The following SEL1L2 variants were observed in gnomAD, a reference collection of about 807,000 sequenced individuals.
SEL1L2 encodes the protein SEL1L2 adaptor subunit of SYVN1 ubiquitin ligase, also known as protein sel-1 homolog 2.
SEL1L2 carries 89 observed loss-of-function variants against 98.8 expected under a neutral mutation model. The observed-to-expected ratio is 0.90, with a 90% CI of 0.76 to 1.07. The LOEUF (loss-of-function observed/expected upper bound fraction) is 1.07. SEL1L2 is among the 50% of genes least tolerant of loss of function. The pLI is 0.00. For missense variants in SEL1L2, 788 were observed against 812.0 expected, an observed-to-expected ratio of 0.97 and a Z score of 0.36; for synonymous variants, 262 against 278.5, an observed-to-expected ratio of 0.94 and a Z score of 0.59.
chr20:13,935,720 A>G (rs1194667539), intron 2 of SEL1L2, among the ~76,000 whole-genome samples: 12 of 152,168 alleles, frequency 7.9e-5, no homozygotes, highest in Non-Finnish European at 2.9e-5. Context: ...TGGGAGCCCT[A>G]TGGAGGGTTC....
intron 2 of SEL1L2, among the ~76,000 whole-genome samples, chr20:13,949,961 TAATG>T (rs772102363): frequency 3.3e-5 from 5 of 152,186 alleles, no homozygotes; most frequent in Admixed American, 1.3e-4. Context: ...CAGCATTCAT[TAATG>T]AATGAATGAA....
At chr20:13,983,065 T>TA (rs2051939551) in intron 1 of SEL1L2, among the ~76,000 whole-genome samples, 1 of 62,602 alleles carries the variant, frequency 1.6e-5, no homozygotes, top group Non-Finnish European at 3.9e-5. Context: ...GCCAAGTTGA[T>TA]AGAGTGAAGA....
chr20:13,980,786 A>C (rs1305894227), intron 1 of SEL1L2, among the ~76,000 whole-genome samples: 1 of 152,230 alleles, frequency 6.6e-6, no homozygotes, highest in Non-Finnish European at 1.5e-5. Context: ...ATATATATAC[A>C]ATGAAATATT....
chr20:13,903,893 G>C (rs2047799376), intron 5 of SEL1L2, among the ~76,000 whole-genome samples: 1 of 152,138 alleles, frequency 6.6e-6, no homozygotes, highest in Non-Finnish European at 1.5e-5. Flanking sequence ...CTTTCACCTT[G>C]ACATTAGTTT....
chr20:13,989,251 T>C (rs1171484501), intron 1 of SEL1L2, among the ~76,000 whole-genome samples: 1 of 152,202 alleles, frequency 6.6e-6, no homozygotes, highest in East Asian at 1.9e-4. Context: ...TTATAAAGTT[T>C]CTTTCATAAT....
At chr20:13,977,060 C>G (rs775335927) in intron 1 of SEL1L2, among the ~76,000 whole-genome samples, 2 of 152,018 alleles carry the variant, frequency 1.3e-5, no homozygotes, top group Non-Finnish European at 2.9e-5. Context: ...ATAGTTGATG[C>G]CATTAACAAG....
At chr20:13,868,064 G>A (rs573524829) in intron 14 of SEL1L2, among the ~76,000 whole-genome samples, 1 of 152,096 alleles carries the variant, frequency 6.6e-6, no homozygotes, top group South Asian at 2.1e-4. Context: ...TCCCCACAGA[G>A]ATTGTTACAA....
intron 17 of SEL1L2, among the ~76,000 whole-genome samples, chr20:13,861,321 A>G (rs917658203): frequency 9.2e-5 from 14 of 152,088 alleles, no homozygotes; most frequent in African/African-American, 3.1e-4. Flanking sequence ...GACTACAGGC[A>G]TGCACCAACA....
In SEL1L2 at chr20:13,961,503, G is replaced by A. The variant is rs888083569; in HGVS notation, c.59-5372C>T. On this transcript the variant is annotated intron_variant, in intron 1 of 19. Coordinates refer to ENST00000284951, the MANE Select transcript of SEL1L2 (RefSeq NM_025229.2). The stretch of plus-strand genomic sequence containing the variant: ...TTGGGGCATGGAGGGGAAGCCCATC[G>A]GATTCATAGAAGACTTATAAGGTTT... 4.6e-5 allele frequency among the ~76,000 whole-genome samples: 7 copies of A among 152,164 alleles called. No individual in the cohort carries two copies. The South Asian group carries it at 1.2e-3, about 27-fold the overall frequency.
chr20:13,968,516 A>G (rs2051147201), intron 1 of SEL1L2, among the ~76,000 whole-genome samples: 2 of 152,230 alleles, frequency 1.3e-5, no homozygotes, highest in African/African-American at 4.8e-5. Flanking sequence ...TTAACTGATG[A>G]CAATATTAAC....
intron 4 of SEL1L2, 44 bp from the exon 5 acceptor site, chr20:13,913,988 A>C (rs746280936): frequency 4.0e-6 from 6 of 1,510,730 alleles, no homozygotes; most frequent in Non-Finnish European, 5.3e-6. Flanking sequence ...CAAAAATGAA[A>C]TTTTCTTCTC....
Position 13,849,418 on chromosome 20 carries a change from G to A in SEL1L2, c.*67C>T. ...GGACTCTTGATTTGGATGGGAAACTGTTTATTTAGTGGGGATACCTTGGAG... is the reference window on the plus strand; with the variant it reads ...GGACTCTTGATTTGGATGGGAAACTATTTATTTAGTGGGGATACCTTGGAG... On this transcript the variant is annotated 3_prime_UTR_variant, in exon 20 of 20. Transcript: ENST00000284951. 1 of 1,577,612 alleles carries A rather than the reference G, an allele frequency of 6.3e-7. No individual in the cohort carries two copies. Among genetic ancestry groups the A allele is most frequent in the Non-Finnish European group, 8.6e-7 (1 of 1,158,068 alleles).
intron 5 of SEL1L2, among the ~76,000 whole-genome samples, chr20:13,903,209 T>G (rs1437582719): frequency 1.3e-5 from 2 of 152,146 alleles, no homozygotes; most frequent in Non-Finnish European, 2.9e-5. Context: ...TAATTACCAT[T>G]GTTATGACTC....
upstream of SEL1L2, among the ~76,000 whole-genome samples, chr20:13,991,950 G>A (rs1291906000): frequency 2.0e-5 from 3 of 152,112 alleles, no homozygotes; most frequent in African/African-American, 4.8e-5. Flanking sequence ...GGAGGTTGCA[G>A]TGAGCAGAGA....
chr20:13,993,079 T>A (rs1188466229), upstream of SEL1L2, among the ~76,000 whole-genome samples: 1 of 152,142 alleles, frequency 6.6e-6, no homozygotes, highest in East Asian at 1.9e-4. Context: ...ACGTGATCAC[T>A]TCTGACAAGG....
At chr20:13,877,992 G>T (rs561221182) in intron 10 of SEL1L2, among the ~76,000 whole-genome samples, 2 of 152,156 alleles carry the variant, frequency 1.3e-5, no homozygotes, top group African/African-American at 4.8e-5. Flanking sequence ...GGCAGAATTG[G>T]ATACACAGTT....
chr20:13,893,422 A>G (rs1280883425), intron 5 of SEL1L2, among the ~76,000 whole-genome samples: 4 of 152,242 alleles, frequency 2.6e-5, no homozygotes, highest in Non-Finnish European at 5.9e-5. Context: ...AGAGACAAAG[A>G]AGAACATTAT....
intron 1 of SEL1L2, among the ~76,000 whole-genome samples, chr20:13,965,646 C>T (rs1416768885): frequency 6.6e-6 from 1 of 152,026 alleles, no homozygotes; most frequent in Admixed American, 6.6e-5. Flanking sequence ...TCAAGACACC[C>T]ATCTCCTTAA....
At chr20:13,888,940 C>T (rs1176796741) in intron 5 of SEL1L2, among the ~76,000 whole-genome samples, 3 of 150,712 alleles carry the variant, frequency 2.0e-5, no homozygotes, top group Middle Eastern at 3.2e-3. Context: ...GCCACTGCTC[C>T]CGGCCTCTTT....
Sources: gnomAD v4.1 joint callset for allele counts (sites outside exome capture counted in the v4.1 genomes callset) on GRCh38, gnomAD v4.1.1 for gene constraint, MANE v1.5 for transcripts, NCBI Gene and HGNC (gene_info 2026-07-23, HGNC 2026-07-21) for gene names.